The following HIBCH variants were observed in gnomAD, a reference collection of about 807,000 sequenced individuals.
HIBCH encodes 3-hydroxyisobutyryl-CoA hydrolase, mitochondrial.
In HIBCH, 50 loss-of-function variants were observed where a neutral mutation model predicts 58.2. That is an observed-to-expected ratio of 0.86 (90% CI 0.68 to 1.09). The LOEUF is 1.09. Among genes scored for constraint, HIBCH ranks in the 50% least tolerant of loss-of-function variants. The pLI is 0.00. For missense variants in HIBCH, 450 were observed against 449.7 expected (o/e 1.00, Z -0.01); for synonymous variants, 151 against 146.9 (o/e 1.03, Z -0.20).
Position 190,210,674 on chromosome 2 carries a change from C to T in HIBCH, c.1012-1761G>A, listed in dbSNP as rs946273718. Among the ~76,000 whole-genome samples the T allele has an allele frequency of 2.0e-5, 3 of 152,216 alleles. No individual in the cohort carries two copies. In the East Asian group the frequency reaches 5.8e-4, roughly 29 times the overall value. ...CTTTCTCTACACTGTTTCCTCTGAC[C>T]TCATCTCTCACTCACCACAACCTCT... On this transcript the variant is annotated intron_variant, in intron 12 of 13. Transcript: ENST00000359678. This position sits in a 1 kb window ranked among gnomAD's most constrained non-coding sequence, Gnocchi z 5.5.
At position 190,281,093 on chromosome 2, in the gene HIBCH, C is replaced by CA. The variant is rs1213518010; in HGVS notation, c.438+6492dup. The CA allele has an allele frequency of 6.6e-6, 1 of 152,300 alleles. No homozygotes were observed. The highest frequency in any genetic ancestry group is 2.4e-5 in the African/African-American group (1 of 41,432). 9.4% of individuals were successfully genotyped at this position (152,300 alleles called of 1,614,324 possible). ...TGGTGCCATGCTGCCAGTGGGTCAA[C>CA]AGTTCTAGAATCTCAAGGGCAGCTC... On this transcript the variant is annotated intron_variant, in intron 6 of 13. Transcript: ENST00000359678. The surrounding 1 kb of genome is among the most constrained non-coding windows in gnomAD (Gnocchi z 5.4).
chr2:190,297,006 A>C (rs894834336), intron 2 of HIBCH, 53 bp from the exon 3 acceptor site: 6 of 1,537,308 alleles, frequency 3.9e-6, no homozygotes, highest in Non-Finnish European at 5.4e-6. Flanking sequence ...TTTTATCACA[A>C]GCCAACATCA....
chr2:190,280,303 C>G (rs144450821), intron 6 of HIBCH, among the ~76,000 whole-genome samples: 68 of 152,272 alleles, frequency 4.5e-4, no homozygotes, highest in African/African-American at 1.6e-3. Context: ...GGTATCAACC[C>G]TACTCCTAGA....
chr2:190,296,070 C>T (rs1014769689), intron 3 of HIBCH, among the ~76,000 whole-genome samples: 2 of 152,148 alleles, frequency 1.3e-5, no homozygotes, highest in Non-Finnish European at 2.9e-5. Flanking sequence ...TCTACTATTC[C>T]ATGCTGCTCA....
rs575563494 is a variant in HIBCH, at chr2:190,306,968, G to A, written c.78+3786C>T. Among the ~76,000 whole-genome samples the A allele has an allele frequency of 2.0e-5, 3 of 152,266 alleles. No homozygotes were observed. Among genetic ancestry groups the A allele is most frequent in the East Asian group, 3.9e-4 (2 of 5,170 alleles). On this transcript the variant is annotated intron_variant, in intron 2 of 13. Coordinates refer to ENST00000359678, the MANE Select transcript of HIBCH (RefSeq NM_014362.4). The surrounding 1 kb of genome is among the most constrained non-coding windows in gnomAD (Gnocchi z 4.6). ...CTGGCCATCACCAGACACCAAATCC[G>A]CTGGCCCCTTGATCTTGAACTCCCC...
intron 11 of HIBCH, among the ~76,000 whole-genome samples, chr2:190,225,770 T>C (rs1685873441): frequency 6.6e-6 from 1 of 152,218 alleles, no homozygotes; most frequent in South Asian, 2.1e-4. Flanking sequence ...ACTCATTTTA[T>C]GAGGCCAGCA....
At chr2:190,240,912 G>T (rs1686432999) in intron 11 of HIBCH, among the ~76,000 whole-genome samples, 1 of 152,148 alleles carries the variant, frequency 6.6e-6, no homozygotes, top group South Asian at 2.1e-4. Flanking sequence ...GTTTATTTTA[G>T]AATAAGTGCT....
intron 4 of HIBCH, among the ~76,000 whole-genome samples, chr2:190,294,332 G>T (rs1169398069): frequency 6.6e-6 from 1 of 151,794 alleles, no homozygotes; most frequent in East Asian, 1.9e-4. Context: ...ATGGGTATTT[G>T]TGTAGTGAGA....
chr2:190,241,404 C>G (rs1342688110), intron 11 of HIBCH, among the ~76,000 whole-genome samples: 1 of 152,106 alleles, frequency 6.6e-6, no homozygotes, highest in East Asian at 1.9e-4. Flanking sequence ...ACCAATGGGT[C>G]TTGACTCTTT....
intron 11 of HIBCH, among the ~76,000 whole-genome samples, chr2:190,225,860 A>G (rs1685877016): frequency 6.6e-6 from 1 of 152,208 alleles, no homozygotes. Context: ...ACATTGATGC[A>G]AAAATCCTCA....
rs887064118 is a variant in HIBCH at position 190,217,827 on chromosome 2, G to C, written c.892-4752C>G. Among the ~76,000 whole-genome samples, 1 of 152,144 alleles carries C rather than the reference G, an allele frequency of 6.6e-6. No individual in the cohort carries two copies. Among genetic ancestry groups the C allele is most frequent in the Non-Finnish European group, 1.5e-5 (1 of 68,036 alleles). On this transcript the variant is annotated intron_variant, in intron 11 of 13. Transcript: ENST00000359678. This position sits in a 1 kb window ranked among gnomAD's most constrained non-coding sequence, Gnocchi z 4.6. ...GGTGAGCACATTACACTCGGGTCAA[G>C]AGACTGGTAAAAGAACCCCTGAAAG...
At chr2:190,252,608 G>T (rs560365695) in intron 7 of HIBCH, among the ~76,000 whole-genome samples, 1 of 151,974 alleles carries the variant, frequency 6.6e-6, no homozygotes, top group Admixed American at 6.5e-5. Flanking sequence ...TCTTACCACT[G>T]ATCTACTTTT....
chr2:190,249,878 T>C, intron 8 of HIBCH, 152 bp from the exon 9 acceptor site: 1 of 649,626 alleles, frequency 1.5e-6, no homozygotes, highest in South Asian at 1.9e-5. Context: ...TTGACTTAAG[T>C]TGAATGAACA....
At position 190,210,266 on chromosome 2, in the gene HIBCH, G is replaced by A. The variant is rs1690486531; in HGVS notation, c.1012-1353C>T. 6.7e-6 allele frequency among the ~76,000 whole-genome samples: 1 copy of A among 148,254 alleles called. No individual in the cohort carries two copies. The highest frequency in any genetic ancestry group is 2.5e-5 in the African/African-American group (1 of 40,340). Reference sequence around the variant, plus strand: ...CACCCATGACATCGGCATCGCCAAGGTCAAATGACACTTCTAACCTCGTCT... The same window carrying A: ...CACCCATGACATCGGCATCGCCAAGATCAAATGACACTTCTAACCTCGTCT... On this transcript the variant is annotated intron_variant, in intron 12 of 13. Coordinates refer to ENST00000359678, the MANE Select transcript of HIBCH (RefSeq NM_014362.4). This position sits in a 1 kb window ranked among gnomAD's most constrained non-coding sequence, Gnocchi z 5.5.
intron 1 of HIBCH, among the ~76,000 whole-genome samples, chr2:190,312,804 C>T (rs1249775460): frequency 6.6e-6 from 1 of 152,176 alleles, no homozygotes; most frequent in African/African-American, 2.4e-5. Context: ...ACATTAGAAT[C>T]ACCTGGAGAC....
rs944020529 is a variant in HIBCH at position 190,243,691 on chromosome 2, G to C, written c.891+1196C>G. Reference sequence around the variant, plus strand: ...CCCTTAAGAATACAGTAAAAGGCCGGGTGTGGTGGCTCACACCTGTAATCC... The same window carrying C: ...CCCTTAAGAATACAGTAAAAGGCCGCGTGTGGTGGCTCACACCTGTAATCC... On this transcript the variant is annotated intron_variant, in intron 11 of 13. Coordinates refer to ENST00000359678, the MANE Select transcript of HIBCH (RefSeq NM_014362.4). The surrounding 1 kb of genome is among the most constrained non-coding windows in gnomAD (Gnocchi z 4.1). Among the ~76,000 whole-genome samples the C allele has an allele frequency of 6.6e-6, 1 of 152,138 alleles. No homozygotes were observed. The highest frequency in any genetic ancestry group is 1.5e-5 in the Non-Finnish European group (1 of 68,030).
chr2:190,270,205 A>G (rs1334869048), intron 6 of HIBCH, among the ~76,000 whole-genome samples: 4 of 152,040 alleles, frequency 2.6e-5, no homozygotes, highest in Non-Finnish European at 5.9e-5. Context: ...CATGTATCCC[A>G]GAGTTTAAAG....
intron 11 of HIBCH, among the ~76,000 whole-genome samples, chr2:190,230,774 T>C (rs898652272): frequency 7.2e-5 from 11 of 152,194 alleles, no homozygotes; most frequent in Admixed American, 5.2e-4. Context: ...CTAATAAAAT[T>C]TGTATCTTAA....
chr2:190,250,336 A>G (rs1201972495), intron 8 of HIBCH: 4 of 463,612 alleles, frequency 8.6e-6, no homozygotes, highest in Non-Finnish European at 1.8e-5. Context: ...CCTCCTTTCA[A>G]TTCTTTGAGT....
Sources: allele counts gnomAD v4.1 joint callset (sites outside exome capture counted in the v4.1 genomes callset), GRCh38; gene constraint gnomAD v4.1.1; non-coding constraint Gnocchi (gnomAD v3.1); transcripts MANE v1.5; gene names NCBI Gene and HGNC (gene_info 2026-07-23, HGNC 2026-07-21).